Variants in CGGBP1 observed in about 807,000 individuals in gnomAD.
CGGBP1 encodes CGG triplet repeat-binding protein 1.
In CGGBP1, 4 loss-of-function variants were observed where a neutral mutation model predicts 11.4. That is an observed-to-expected ratio of 0.35 (90% CI 0.17 to 0.80). The LOEUF is 0.80. Ranked by LOEUF, CGGBP1 falls within the 30% of genes least tolerant of loss-of-function variation. The probability of loss-of-function intolerance (pLI) is 0.52; values close to 1 mark genes in which losing one functional copy is unlikely to be tolerated. For synonymous variants in CGGBP1, 76 were observed against 74.1 expected (o/e 1.03, Z -0.13); for missense variants, 135 against 202.1 (o/e 0.67, Z 2.01).
chr3:88,066,023 C>G (rs1246867098), intron 2 of CGGBP1, among the ~76,000 whole-genome samples: 1 of 152,146 alleles, frequency 6.6e-6, no homozygotes, highest in Non-Finnish European at 1.5e-5. Context: ...CATGAGCTAC[C>G]GCGCCTAGCC....
Position 88,071,458 on chromosome 3 carries a change from C to G in CGGBP1, c.-228-13235G>C, listed in dbSNP as rs187171105. Among the ~76,000 whole-genome samples the G allele has an allele frequency of 6.2e-3, 938 of 152,270 alleles. 6 individuals carry two copies. Among genetic ancestry groups the G allele is most frequent in the Middle Eastern group, 0.01 (3 of 294 alleles). On this transcript the variant is annotated intron_variant, in intron 2 of 3. Coordinates refer to the CGGBP1 transcript ENST00000462901. ...AGGAGATCGAGACCGTCCTGGCTAA[C>G]ACGGTGAAACCCCATCTCTACTAAA...
rs552532551 is a variant in CGGBP1 at position 88,057,204 on chromosome 3, G to C, written c.-37C>G. 2.6e-5 allele frequency: 4 copies of C among 152,204 alleles called. No homozygotes were observed. In the South Asian group the frequency reaches 8.3e-4, roughly 32 times the overall value. 9.4% of individuals were successfully genotyped at this position (152,204 alleles called of 1,614,324 possible). A position where few individuals can be genotyped will look rare whatever the true frequency, so the allele number is the denominator to read the frequency against. On this transcript the variant is annotated 5_prime_UTR_variant, in exon 3 of 4. Transcript: ENST00000482016. Reference sequence around the variant, plus strand: ...ATGAATACATACTAGAGAATAGCTGGGTAACATGAACTCTCTTTCAAAAGG... The same window carrying C: ...ATGAATACATACTAGAGAATAGCTGCGTAACATGAACTCTCTTTCAAAAGG...
chr3:88,064,996 A>C (rs1480303517), intron 2 of CGGBP1, among the ~76,000 whole-genome samples: 1 of 152,234 alleles, frequency 6.6e-6, no homozygotes, highest in Non-Finnish European at 1.5e-5. Context: ...ATTTAATTGC[A>C]CTGATAATTT....
chr3:88,056,064 A>T (rs1244760804), intron 3 of CGGBP1, 65 bp from the exon 4 acceptor site: 12 of 1,242,980 alleles, frequency 9.7e-6, no homozygotes, highest in Non-Finnish European at 1.3e-5. Flanking sequence ...GTAATGAACA[A>T]TAAAAGGCAG....
intron 1 of CGGBP1, among the ~76,000 whole-genome samples, chr3:88,141,276 T>C (rs1447823158): frequency 6.6e-6 from 1 of 152,154 alleles, no homozygotes; most frequent in Non-Finnish European, 1.5e-5. Flanking sequence ...TGCATAGGGC[T>C]TTGCCTATGA....
Position 88,055,845 on chromosome 3 carries a change from A to C in CGGBP1, c.132T>G (p.Thr44=). ...LHEDGGKLFC[T]SCNVVLNHVR... is the part of the protein sequence containing the mutation. ...CATGATTCAGAACCACATTGCAAGAAGTGCAGAAGAGTTTTCCTCCATCTT... is the reference window on the plus strand; with the variant it reads ...CATGATTCAGAACCACATTGCAAGACGTGCAGAAGAGTTTTCCTCCATCTT... The change falls in exon 4 of 4, where the codon ACT becomes ACG. Residue 44 remains threonine (T), a synonymous_variant. Coordinates refer to ENST00000482016, the MANE Select transcript of CGGBP1 (RefSeq NM_001008390.2). This position sits in a 1 kb window ranked among gnomAD's most constrained non-coding sequence, Gnocchi z 4.2. 1 of 1,614,222 alleles carries C rather than the reference A, an allele frequency of 6.2e-7. No individual in the cohort carries two copies. Among genetic ancestry groups the C allele is most frequent in the South Asian group, 1.1e-5 (1 of 91,084 alleles).
chr3:88,094,785 C>CT (rs570985392), intron 2 of CGGBP1, among the ~76,000 whole-genome samples: 3 of 151,794 alleles, frequency 2.0e-5, no homozygotes, highest in Admixed American at 6.6e-5. Flanking sequence ...CAGAGCTGAA[C>CT]TTTTTTTTCT....
In CGGBP1 at chr3:88,132,744, C is replaced by T. The variant is rs1435023527; in HGVS notation, c.-229+8226G>A. 2.0e-5 allele frequency among the ~76,000 whole-genome samples: 3 copies of T among 152,316 alleles called. No individual in the cohort carries two copies. The East Asian group carries it at 5.8e-4, about 29-fold the overall frequency. ...CACTTCACCTAGGTGTTTCAATTAT[C>T]TCTCTTAATTCTTTTAATAAAGATG... On this transcript the variant is annotated intron_variant, in intron 2 of 3. Coordinates refer to the CGGBP1 transcript ENST00000462901.
intron 1 of CGGBP1, among the ~76,000 whole-genome samples, chr3:88,147,252 A>C (rs1040953164): frequency 2.0e-5 from 3 of 152,242 alleles, no homozygotes; most frequent in African/African-American, 7.2e-5. Flanking sequence ...AGTGGGTAGC[A>C]AATGCATAAA....
chr3:88,143,319 C>G (rs1707214541), intron 1 of CGGBP1: 1 of 151,990 alleles, frequency 6.6e-6, no homozygotes, highest in African/African-American at 2.4e-5. Flanking sequence ...AAATTTGTTT[C>G]TGTTATGTAG....
rs139519567 is a variant in CGGBP1, at chr3:88,120,077, A to AC, written c.-229+20892_-229+20893insG. Among the ~76,000 whole-genome samples the AC allele has an allele frequency of 1.8e-3, 278 of 151,938 alleles. 1 individual carries two copies. Among genetic ancestry groups the AC allele is most frequent in the African/African-American group, 6.3e-3 (261 of 41,468 alleles). On this transcript the variant is annotated intron_variant, in intron 2 of 3. Coordinates refer to the CGGBP1 transcript ENST00000462901. Reference sequence around the variant, plus strand: ...TAAATACATAATTCTACTTATTTAAAAAAAAATCAAATAATGTAACTTATA... The same window carrying AC: ...TAAATACATAATTCTACTTATTTAAACAAAAAATCAAATAATGTAACTTATA...
upstream of CGGBP1, among the ~76,000 whole-genome samples, chr3:88,062,297 C>G (rs1706929052): frequency 6.6e-6 from 1 of 152,124 alleles, no homozygotes; most frequent in Non-Finnish European, 1.5e-5. Context: ...GTCTTAGTTT[C>G]CATTATGTAG....
intron 2 of CGGBP1, among the ~76,000 whole-genome samples, chr3:88,078,463 A>G (rs1468606731): frequency 6.6e-6 from 1 of 152,150 alleles, no homozygotes; most frequent in East Asian, 1.9e-4. Flanking sequence ...TGGGACAGGA[A>G]GCACTTTAAG....
intron 2 of CGGBP1, among the ~76,000 whole-genome samples, chr3:88,083,024 CCCTCCTCACT>C (rs1015715254): frequency 1.5e-4 from 23 of 151,808 alleles, no homozygotes; most frequent in East Asian, 5.8e-4. Context: ...TCCTCCCTCC[CCCTCCTCACT>C]CCTCCTCACT....
chr3:88,145,849 C>T (rs1366794761), intron 1 of CGGBP1, among the ~76,000 whole-genome samples: 1 of 152,184 alleles, frequency 6.6e-6, no homozygotes, highest in East Asian at 1.9e-4. Flanking sequence ...ATGAACACTG[C>T]TCTTTAGACA....
At chr3:88,071,521 C>T (rs1278158930) in intron 2 of CGGBP1, among the ~76,000 whole-genome samples, 1 of 152,196 alleles carries the variant, frequency 6.6e-6, no homozygotes, top group Non-Finnish European at 1.5e-5. Flanking sequence ...TAGCGGGCGC[C>T]TGTAGTCCCA....
At chr3:88,134,289 G>A (rs555274554) in intron 2 of CGGBP1, among the ~76,000 whole-genome samples, 2 of 151,990 alleles carry the variant, frequency 1.3e-5, no homozygotes, top group Admixed American at 1.3e-4. Flanking sequence ...TGTATGTGCT[G>A]AGTTCAAAGT....
chr3:88,085,313 G>A (rs1265367070), intron 2 of CGGBP1, among the ~76,000 whole-genome samples: 1 of 152,156 alleles, frequency 6.6e-6, no homozygotes, highest in East Asian at 1.9e-4. Context: ...GTTGTAGCAG[G>A]AAAGCAGCCA....
intron 2 of CGGBP1, among the ~76,000 whole-genome samples, chr3:88,124,096 C>A (rs1010106648): frequency 2.0e-5 from 3 of 152,130 alleles, no homozygotes; most frequent in Non-Finnish European, 4.4e-5. Flanking sequence ...AAACTAGATG[C>A]CCTAAAATAA....
Sources: allele counts gnomAD v4.1 joint callset (sites outside exome capture counted in the v4.1 genomes callset), GRCh38; gene constraint gnomAD v4.1.1; non-coding constraint Gnocchi (gnomAD v3.1); transcripts MANE v1.5; gene names NCBI Gene and HGNC (gene_info 2026-07-23, HGNC 2026-07-21).